LOC400499: variants seen among roughly 807,000 people sequenced by gnomAD.
chr16:11,508,830 G>A, the LOC400499 span: 127 of 399,112 alleles, frequency 3.2e-4, no homozygotes, highest in Non-Finnish European at 4.4e-4. Context: ...TTGGGGTCAT[G>A]TCTTCATCGT....
At chr16:11,481,973 AT>A in the LOC400499 span, among the ~76,000 whole-genome samples, 1 of 152,288 alleles carries the variant, frequency 6.6e-6, no homozygotes, top group South Asian at 2.1e-4. Flanking sequence ...ACATATGAGA[AT>A]TTCATCTCTT....
chr16:11,379,450 T>G, the LOC400499 span, among the ~76,000 whole-genome samples: 13 of 152,268 alleles, frequency 8.5e-5, no homozygotes, highest in Non-Finnish European at 1.3e-4. Flanking sequence ...CGATTTTGTC[T>G]GATATTAGTA....
chr16:11,418,927 A>G, the LOC400499 span, among the ~76,000 whole-genome samples: 1 of 152,222 alleles, frequency 6.6e-6, no homozygotes. Context: ...GCACTTTGGG[A>G]GGCAAAGGCG....
the LOC400499 span, among the ~76,000 whole-genome samples, chr16:11,466,577 C>T: frequency 2.0e-5 from 3 of 151,786 alleles, no homozygotes; most frequent in Admixed American, 6.6e-5. Context: ...TTGGTAGAGA[C>T]GGGGTTTTGC....
chr16:11,508,330 A>T, the LOC400499 span, among the ~76,000 whole-genome samples: 1 of 152,222 alleles, frequency 6.6e-6, no homozygotes, highest in Non-Finnish European at 1.5e-5. Flanking sequence ...TGAAACAGCC[A>T]GGAGTTTCGG....
chr16:11,451,799 G>C, the LOC400499 span, among the ~76,000 whole-genome samples: 3 of 152,186 alleles, frequency 2.0e-5, no homozygotes, highest in Admixed American at 1.3e-4. Context: ...AACTGAGGCA[G>C]ACAGGCTCAG....
chr16:11,450,622 G>C, the LOC400499 span: 1 of 1,535,966 alleles, frequency 6.5e-7, no homozygotes, highest in Admixed American at 2.0e-5. Flanking sequence ...GAGGTAGGTG[G>C]TAGCTGCGGT....
chr16:11,480,482 T>G, the LOC400499 span, among the ~76,000 whole-genome samples: 1 of 152,168 alleles, frequency 6.6e-6, no homozygotes, highest in Admixed American at 6.5e-5. Context: ...CAATGACATT[T>G]TATAAGAGCA....
At chr16:11,449,124 A>G in the LOC400499 span, 2 of 1,426,602 alleles carry the variant, frequency 1.4e-6, no homozygotes, top group Non-Finnish European at 1.9e-6. Context: ...TGAGGTGAGG[A>G]GGGGGACCAA....
At chr16:11,418,938 G>A in the LOC400499 span, among the ~76,000 whole-genome samples, 2 of 152,200 alleles carry the variant, frequency 1.3e-5, no homozygotes, top group Admixed American at 1.3e-4. Flanking sequence ...GGCAAAGGCG[G>A]ACAGATCACT....
the LOC400499 span, chr16:11,494,824 G>A: frequency 2.5e-6 from 1 of 396,408 alleles, no homozygotes; most frequent in Non-Finnish European, 4.4e-6. Context: ...GCCTCACCCT[G>A]GCCACACACC....
At chr16:11,457,074 G>T in the LOC400499 span, 1 of 1,487,492 alleles carries the variant, frequency 6.7e-7, no homozygotes, top group South Asian at 1.3e-5. Context: ...ATGCCAATGG[G>T]ATCATGCCAC....
chr16:11,514,613 G>T, the LOC400499 span: 7 of 399,344 alleles, frequency 1.8e-5, no homozygotes, highest in African/African-American at 4.1e-5. Flanking sequence ...GGACCAAGGG[G>T]AGGAGGGACG....
chr16:11,463,172 C>A, the LOC400499 span, among the ~76,000 whole-genome samples: 3 of 152,196 alleles, frequency 2.0e-5, no homozygotes, highest in Admixed American at 1.3e-4. Context: ...CACTCCACGG[C>A]CCCGCAAAGA....
chr16:11,516,440 C>T, the LOC400499 span: 31 of 397,730 alleles, frequency 7.8e-5, no homozygotes, highest in East Asian at 1.1e-3. Context: ...ACCCCACATC[C>T]CCCCACTAGA....
the LOC400499 span, among the ~76,000 whole-genome samples, chr16:11,395,485 G>A: frequency 0.037 from 5,710 of 152,272 alleles, 358 homozygotes; most frequent in African/African-American, 0.13. Context: ...TGGAAACGGG[G>A]AAGTGACAGT....
At chr16:11,461,138 G>T in the LOC400499 span, 1 of 1,526,728 alleles carries the variant, frequency 6.5e-7, no homozygotes, top group Non-Finnish European at 8.8e-7. Flanking sequence ...ACAGAGAGCA[G>T]GCAGATGAGA....
the LOC400499 span, among the ~76,000 whole-genome samples, chr16:11,391,001 T>G: frequency 2.6e-5 from 4 of 152,236 alleles, no homozygotes; most frequent in Non-Finnish European, 5.9e-5. Context: ...TTCCCTGTGC[T>G]GACACTCCTG....
chr16:11,380,358 G>T, the LOC400499 span, among the ~76,000 whole-genome samples: 1 of 151,894 alleles, frequency 6.6e-6, no homozygotes, highest in African/African-American at 2.4e-5. Flanking sequence ...AAGGCGGGCA[G>T]ATCACGAAGT....
Sources: gnomAD v4.1 joint callset for allele counts (sites outside exome capture counted in the v4.1 genomes callset) on GRCh38, gnomAD v4.1.1 for gene constraint, MANE v1.5 for transcripts.